The following PDE4D variants were observed in gnomAD, a reference collection of about 807,000 sequenced individuals.
PDE4D encodes the protein phosphodiesterase 4D.
PDE4D carries 24 observed loss-of-function variants against 87.4 expected under a neutral mutation model. The observed-to-expected ratio is 0.27, with a 90% CI of 0.20 to 0.39. The LOEUF (loss-of-function observed/expected upper bound fraction) is 0.39. PDE4D is among the 10% of genes least tolerant of loss of function. The pLI is 1.00. For missense variants in PDE4D, 714 were observed against 1,041.0 expected, an observed-to-expected ratio of 0.69 and a Z score of 4.32; for synonymous variants, 384 against 383.2, an observed-to-expected ratio of 1.00 and a Z score of -0.02.
chr5:59,686,614 G>C (rs527846946), intron 1 of PDE4D, among the ~76,000 whole-genome samples: 1 of 152,126 alleles, frequency 6.6e-6, no homozygotes, highest in African/African-American at 2.4e-5. Context: ...AATAATATCT[G>C]TTGAGTGAAT....
At chr5:59,137,603 T>C (rs1777278602) in intron 5 of PDE4D, among the ~76,000 whole-genome samples, 1 of 151,536 alleles carries the variant, frequency 6.6e-6, no homozygotes, top group Middle Eastern at 3.2e-3. Flanking sequence ...CTCAGCTCGC[T>C]GCAAGCTCCG....
At chr5:59,305,370 T>A (rs533056320) in intron 1 of PDE4D, among the ~76,000 whole-genome samples, 4 of 88,440 alleles carry the variant, frequency 4.5e-5, no homozygotes, top group East Asian at 3.8e-4. Flanking sequence ...TTATTTATTT[T>A]TTTGTATGGT....
chr5:59,686,301 T>C (rs906421759), intron 1 of PDE4D, among the ~76,000 whole-genome samples: 28 of 152,148 alleles, frequency 1.8e-4, no homozygotes, highest in African/African-American at 6.5e-4. Flanking sequence ...CTTTAGATAG[T>C]GGACATGAGG....
intron 1 of PDE4D, among the ~76,000 whole-genome samples, chr5:59,701,939 GGT>G (rs1462257706): frequency 6.6e-6 from 1 of 152,178 alleles, no homozygotes; most frequent in African/African-American, 2.4e-5. Flanking sequence ...AAAGGTGTCA[GGT>G]GTGGCACTAA....
At chr5:60,491,620 T>C (rs1350325300), upstream of PDE4D, 2 of 152,186 alleles carry the variant, frequency 1.3e-5, no homozygotes, top group Admixed American at 6.5e-5. Flanking sequence ...TTTGTCTAAG[T>C]TTCTCGAAAG....
intron 1 of PDE4D, among the ~76,000 whole-genome samples, chr5:59,807,256 T>C (rs1767845317): frequency 6.6e-6 from 1 of 152,188 alleles, no homozygotes; most frequent in African/African-American, 2.4e-5. Flanking sequence ...GTCCTGCCTC[T>C]TCCTTTGCAG....
chr5:59,272,123 T>C (rs1448349883), intron 1 of PDE4D, among the ~76,000 whole-genome samples: 3 of 151,992 alleles, frequency 2.0e-5, no homozygotes, highest in Non-Finnish European at 4.4e-5. Flanking sequence ...AACAGTAGCA[T>C]CTCTTTTATT....
intron 1 of PDE4D, among the ~76,000 whole-genome samples, chr5:60,247,096 T>A (rs548443369): frequency 6.6e-6 from 1 of 152,100 alleles, no homozygotes; most frequent in East Asian, 1.9e-4. Flanking sequence ...TCTGATGATT[T>A]TTTTTCAGTC....
chr5:59,284,516 C>A (rs958830221), intron 1 of PDE4D, among the ~76,000 whole-genome samples: 1 of 151,672 alleles, frequency 6.6e-6, no homozygotes, highest in Non-Finnish European at 1.5e-5. Flanking sequence ...TATGAGATAT[C>A]ATCTCACACC....
chr5:60,125,866 GA>G (rs1336134210), intron 2 of PDE4D, among the ~76,000 whole-genome samples: 1 of 152,098 alleles, frequency 6.6e-6, no homozygotes, highest in African/African-American at 2.4e-5. Context: ...TTCATTTACG[GA>G]AAAGGTAAGT....
chr5:59,222,248 C>T lies in PDE4D; in HGVS notation c.456-6280G>A, dbSNP rs529316139. Among the ~76,000 whole-genome samples the T allele has an allele frequency of 8.5e-5, 13 of 152,312 alleles. No homozygotes were observed. The South Asian group carries it at 2.1e-3, about 24-fold the overall frequency. On this transcript the variant is annotated intron_variant, in intron 1 of 14. Transcript: ENST00000340635. ...TGCTCGCATACTTTGTGTCTACTGA[C>T]CTTGTAATTGTTTGTCTGCTGAAGG... is the stretch of plus-strand genomic sequence containing the variant.
At chr5:60,387,864 T>C (rs1478161118) in intron 1 of PDE4D, among the ~76,000 whole-genome samples, 1 of 152,052 alleles carries the variant, frequency 6.6e-6, no homozygotes, top group Non-Finnish European at 1.5e-5. Context: ...ATCCCATAGG[T>C]TGAGGGCTCA....
At chr5:60,334,622 G>T (rs78358955) in intron 1 of PDE4D, among the ~76,000 whole-genome samples, 2,839 of 151,736 alleles carry the variant, frequency 0.019, 45 homozygotes, top group South Asian at 0.039. Context: ...CCCATTGTGG[G>T]TAGTATTTCC....
At chr5:59,491,020 A>T (rs890358444) in intron 1 of PDE4D, among the ~76,000 whole-genome samples, 1 of 152,186 alleles carries the variant, frequency 6.6e-6, no homozygotes, top group Non-Finnish European at 1.5e-5. Context: ...CTCTGAACCT[A>T]CCTTTCCTCA....
At chr5:59,681,481 G>A (rs1378798524) in intron 1 of PDE4D, among the ~76,000 whole-genome samples, 1 of 152,094 alleles carries the variant, frequency 6.6e-6, no homozygotes, top group Non-Finnish European at 1.5e-5. Flanking sequence ...TTCACATCTT[G>A]GAAGCTTAGA....
intron 1 of PDE4D, among the ~76,000 whole-genome samples, chr5:60,424,521 T>C (rs1404534251): frequency 6.6e-6 from 1 of 152,176 alleles, no homozygotes; most frequent in Non-Finnish European, 1.5e-5. Flanking sequence ...TACATAATGA[T>C]GGAATGTATC....
intron 1 of PDE4D, chr5:59,430,295 G>A: frequency 3.2e-6 from 4 of 1,231,114 alleles, no homozygotes; most frequent in Non-Finnish European, 4.1e-6. Context: ...AGCAGTTACC[G>A]TCTCCTCTGT....
chr5:60,027,264 T>A (rs559696246), intron 2 of PDE4D, among the ~76,000 whole-genome samples: 3 of 152,270 alleles, frequency 2.0e-5, no homozygotes, highest in Admixed American at 6.5e-5. Context: ...GTCTATTGTT[T>A]CCATCTTTAT....
intron 2 of PDE4D, among the ~76,000 whole-genome samples, chr5:60,047,786 T>A (rs971088499): frequency 6.6e-6 from 1 of 152,124 alleles, no homozygotes; most frequent in Non-Finnish European, 1.5e-5. Flanking sequence ...TACTTCCAAG[T>A]ATGTGGTCAA....
Sources: gnomAD v4.1 joint callset for allele counts (sites outside exome capture counted in the v4.1 genomes callset) on GRCh38, gnomAD v4.1.1 for gene constraint, MANE v1.5 for transcripts, NCBI Gene and HGNC (gene_info 2026-07-23, HGNC 2026-07-21) for gene names.